SPOCK1: variants seen among roughly 807,000 people sequenced by gnomAD.
SPOCK1 encodes SPARC (osteonectin), cwcv and kazal like domains proteoglycan 1.
A neutral mutation model predicts 55.3 loss-of-function variants in SPOCK1; 23 were observed. The ratio of observed to expected loss-of-function variants is 0.42; its 90% CI spans 0.30 to 0.59. The LOEUF (loss-of-function observed/expected upper bound fraction) is 0.59, where lower values mean the gene tolerates loss of function less well. Ranked by LOEUF, SPOCK1 falls within the 20% of genes least tolerant of loss-of-function variation. The probability of loss-of-function intolerance (pLI) is 0.22; values close to 1 mark genes in which losing one functional copy is unlikely to be tolerated. For missense variants in SPOCK1, 499 were observed against 552.5 expected (o/e 0.90, Z 0.97); for synonymous variants, 226 against 221.0 (o/e 1.02, Z -0.20).
chr5:137,453,218 T>C (rs1580935647), intron 2 of SPOCK1, among the ~76,000 whole-genome samples: 1 of 152,288 alleles, frequency 6.6e-6, no homozygotes, highest in East Asian at 1.9e-4. Context: ...ATTATGAAAT[T>C]CGCTGTCAAT....
At chr5:137,233,816 T>A (rs1398866372) in intron 3 of SPOCK1, among the ~76,000 whole-genome samples, 1 of 145,870 alleles carries the variant, frequency 6.9e-6, no homozygotes, top group Admixed American at 7.0e-5. Context: ...TTAAAAAAAA[T>A]TTCTTGGGAT....
chr5:137,420,979 A>G lies in SPOCK1; in HGVS notation c.186+77394T>C, dbSNP rs576514462. ...ACATACTGCTTTGAATGTGTCCCAG[A>G]GATTCTGGTATGTTGTGTCTTTGTT... On this transcript the variant is annotated intron_variant, in intron 2 of 10. Transcript: ENST00000394945. Among the ~76,000 whole-genome samples the G allele has an allele frequency of 3.3e-3, 499 of 152,244 alleles. 1 individual carries two copies. Among genetic ancestry groups the G allele is most frequent in the African/African-American group, 0.011 (477 of 41,524 alleles).
intron 2 of SPOCK1, among the ~76,000 whole-genome samples, chr5:137,392,822 T>C (rs555154314): frequency 2.6e-5 from 4 of 152,336 alleles, no homozygotes; most frequent in East Asian, 3.9e-4. Context: ...TTCCAATACA[T>C]AGTGACTTGG....
intron 2 of SPOCK1, among the ~76,000 whole-genome samples, chr5:137,433,629 T>C (rs141787695): frequency 1.1e-3 from 166 of 152,208 alleles, no homozygotes; most frequent in African/African-American, 3.8e-3. Context: ...CGGGCGAACA[T>C]CTCAGAAGGC....
At chr5:137,032,488 C>T (rs1751800230) in intron 6 of SPOCK1, among the ~76,000 whole-genome samples, 1 of 152,048 alleles carries the variant, frequency 6.6e-6, no homozygotes, top group Admixed American at 6.5e-5. Context: ...GGCAAGAAAG[C>T]TTGTGAGCAG....
intron 2 of SPOCK1, among the ~76,000 whole-genome samples, chr5:137,422,422 C>A (rs972899325): frequency 6.6e-6 from 1 of 152,208 alleles, no homozygotes; most frequent in Admixed American, 6.5e-5. Context: ...TCAGGTACAC[C>A]AATCAGACGT....
intron 3 of SPOCK1, among the ~76,000 whole-genome samples, chr5:137,234,176 C>T (rs1054415341): frequency 5.3e-5 from 8 of 152,158 alleles, no homozygotes; most frequent in African/African-American, 1.7e-4. Flanking sequence ...TATTGTGGGG[C>T]CTGTTCTGCT....
At chr5:137,135,174 A>G (rs988635447) in intron 4 of SPOCK1, among the ~76,000 whole-genome samples, 1 of 152,212 alleles carries the variant, frequency 6.6e-6, no homozygotes, top group Admixed American at 6.5e-5. Context: ...TTCACAATAC[A>G]CTTGCAGAAT....
rs56328555 is a variant in SPOCK1 at position 137,233,713 on chromosome 5, CTTTTTTTTTTTTTT to C, written c.232+33283_232+33296del. On this transcript the variant is annotated intron_variant, in intron 3 of 10. Coordinates refer to ENST00000394945, the MANE Select transcript of SPOCK1 (RefSeq NM_004598.4). ...TTCATTGTTAGTATGAGGATATGCACTTTTTTTTTTTTTTTTTTTTTTTTTGGTTATTGATCTTG... is the reference window on the plus strand; with the variant it reads ...TTCATTGTTAGTATGAGGATATGCACTTTTTTTTTTTGGTTATTGATCTTG... Among the ~76,000 whole-genome samples the C allele has an allele frequency of 2.2e-4, 13 of 58,414 alleles. 1 individual carries two copies. Among genetic ancestry groups the C allele is most frequent in the Admixed American group, 2.1e-3 (9 of 4,248 alleles). 38.3% of individuals were successfully genotyped at this position (58,414 alleles called of 152,430 possible).
At chr5:137,060,630 A>G (rs371105548) in intron 6 of SPOCK1, among the ~76,000 whole-genome samples, 2 of 115,176 alleles carry the variant, frequency 1.7e-5, no homozygotes, top group African/African-American at 5.1e-5. Context: ...TTAATTTTGT[A>G]CATAAAAAAA....
At chr5:137,348,837 G>T (rs1750616967) in intron 2 of SPOCK1, among the ~76,000 whole-genome samples, 1 of 152,148 alleles carries the variant, frequency 6.6e-6, no homozygotes, top group Non-Finnish European at 1.5e-5. Context: ...GCAAACTGGT[G>T]ATTTCAATAT....
intron 2 of SPOCK1, among the ~76,000 whole-genome samples, chr5:137,411,856 C>T (rs888969201): frequency 6.6e-6 from 1 of 152,124 alleles, no homozygotes; most frequent in South Asian, 2.1e-4. Flanking sequence ...CAACCTTCTC[C>T]AAAAAATTTA....
Position 137,253,702 on chromosome 5 carries a change from G to A in SPOCK1, c.232+13308C>T, listed in dbSNP as rs574659527. 5.9e-5 allele frequency among the ~76,000 whole-genome samples: 9 copies of A among 152,268 alleles called. 1 individual carries two copies. In the South Asian group the frequency reaches 1.9e-3, roughly 32 times the overall value. On this transcript the variant is annotated intron_variant, in intron 3 of 10. Transcript: ENST00000394945. ...CCTACCCCATCCTCACACAGCTTGG[G>A]ATATGAAAATGCCATACTTGGATTG...
At chr5:137,076,192 C>G (rs7734623) in intron 5 of SPOCK1, among the ~76,000 whole-genome samples, 5,624 of 152,254 alleles carry the variant, frequency 0.037, 305 homozygotes, top group East Asian at 0.13. Context: ...TCCCCTCTTC[C>G]GAACGGGGCT....
At chr5:137,145,196 TAA>T (rs935652292) in intron 3 of SPOCK1, among the ~76,000 whole-genome samples, 69 of 152,360 alleles carry the variant, frequency 4.5e-4, no homozygotes, top group African/African-American at 1.6e-3. Context: ...TGAATTAATT[TAA>T]AGAGATTTGT....
chr5:137,239,201 TCTATAAAAACCCTA>T (rs1229985355), intron 3 of SPOCK1, among the ~76,000 whole-genome samples: 84 of 152,250 alleles, frequency 5.5e-4, no homozygotes, highest in Non-Finnish European at 4.4e-5. Context: ...AAACAAAGCC[TCTATAAAAACCCTA>T]AACAATAGGA....
intron 2 of SPOCK1, among the ~76,000 whole-genome samples, chr5:137,282,081 C>T (rs186352946): frequency 2.0e-5 from 3 of 152,284 alleles, no homozygotes; most frequent in East Asian, 1.9e-4. Flanking sequence ...ATCGGGTTAA[C>T]GGGAGGATTA....
At chr5:137,296,524 G>A (rs1202819744) in intron 2 of SPOCK1, among the ~76,000 whole-genome samples, 1 of 152,166 alleles carries the variant, frequency 6.6e-6, no homozygotes, top group Non-Finnish European at 1.5e-5. Flanking sequence ...CTGTGAAATT[G>A]TGCTCCCGGC....
intron 3 of SPOCK1, among the ~76,000 whole-genome samples, chr5:137,206,197 A>T (rs1755518653): frequency 6.6e-6 from 1 of 152,264 alleles, no homozygotes; most frequent in African/African-American, 2.4e-5. Context: ...CCAAGAAGCC[A>T]ATAATAACCC....
Sources: gnomAD v4.1 joint callset for allele counts (sites outside exome capture counted in the v4.1 genomes callset) on GRCh38, gnomAD v4.1.1 for gene constraint, MANE v1.5 for transcripts, NCBI Gene and HGNC (gene_info 2026-07-23, HGNC 2026-07-21) for gene names.